GPT2: variants seen among roughly 807,000 people sequenced by gnomAD.
GPT2 encodes the protein glutamic--pyruvic transaminase 2.
In GPT2, 30 loss-of-function variants were observed where a neutral mutation model predicts 56.9. That is an observed-to-expected ratio of 0.53 (90% CI 0.39 to 0.72). The LOEUF is 0.72. Ranked by LOEUF, GPT2 falls within the 30% of genes least tolerant of loss-of-function variation. GPT2 has a pLI of 0.00. For missense variants in GPT2, 542 were observed against 703.4 expected (o/e 0.77, Z 2.60); for synonymous variants, 271 against 283.1 (o/e 0.96, Z 0.43).
rs573559634 is a variant in GPT2 at position 46,884,784 on chromosome 16, C to G, written c.69C>G (p.Ser23Arg). 5.3e-6 allele frequency: 8 copies of G among 1,519,772 alleles called. No homozygotes were observed. The highest frequency in any genetic ancestry group is 7.1e-6 in the Non-Finnish European group (8 of 1,134,720). The allele number at this position is 1,519,772 out of a possible 1,614,324, so 94.1% of individuals were successfully genotyped here. A position where few individuals can be genotyped will look rare whatever the true frequency, so the allele number is the denominator to read the frequency against. The change falls in exon 2 of 12, where the codon AGC becomes AGG. Residue 23 changes from serine to arginine, a missense_variant. Ser to Arg is a moderately radical substitution (Grantham distance 110). Transcript: ENST00000340124. ...GGACCCCCAGCTCCTGGGGCCGCAG[C>G]CAGAGCAGCGCGGCCGCCGAGGCCT... ...GPRTPSSWGR[S>R]QSSAAAEASA...
intron 11 of GPT2, among the ~76,000 whole-genome samples, chr16:46,928,570 C>T (rs191451425): frequency 5.4e-4 from 82 of 150,926 alleles, no homozygotes; most frequent in Admixed American, 5.2e-3. Flanking sequence ...TTGCAGTGAT[C>T]GCGCAATTGC....
chr16:46,929,010 C>A lies in GPT2; in HGVS notation c.*13C>A, dbSNP rs753482346. Reference sequence around the variant, plus strand: ...GAAGTACGCGTGAGGACGCCTGAGCCCCAGCGGGAGACCTGTCCTTGGCTC... The same window carrying A: ...GAAGTACGCGTGAGGACGCCTGAGCACCAGCGGGAGACCTGTCCTTGGCTC... On this transcript the variant is annotated 3_prime_UTR_variant, in exon 12 of 12. Coordinates refer to ENST00000340124, the MANE Select transcript of GPT2 (RefSeq NM_133443.4). 5 of 1,607,162 alleles carry A rather than the reference C, an allele frequency of 3.1e-6. No homozygotes were observed. Among genetic ancestry groups the A allele is most frequent in the East Asian group, 4.5e-5 (2 of 44,830 alleles).
At chr16:46,885,191 ATTG>A (rs1960460327) in intron 2 of GPT2, 1 of 1,265,488 alleles carries the variant, frequency 7.9e-7, no homozygotes, top group East Asian at 3.2e-5. Flanking sequence ...GAATTCGTCA[ATTG>A]TTGAGCGGGC....
rs1351248830 is a variant in GPT2, at chr16:46,907,538, G to T, written c.576+563G>T. ...CACACAGGAGTGAACTGGGAGAGGG[G>T]GTGTGCTCTGAGCTGAAGGTCACTG... On this transcript the variant is annotated intron_variant, in intron 5 of 11. Coordinates refer to ENST00000340124, the MANE Select transcript of GPT2 (RefSeq NM_133443.4). Among the ~76,000 whole-genome samples, 5 of 152,196 alleles carry T rather than the reference G, an allele frequency of 3.3e-5. 1 individual carries two copies. Among genetic ancestry groups the T allele is most frequent in the African/African-American group, 1.2e-4 (5 of 41,450 alleles).
Position 46,929,051 on chromosome 16 carries a change from G to A in GPT2, c.*54G>A, listed in dbSNP as rs374065024. The A allele has an allele frequency of 3.5e-5, 50 of 1,430,046 alleles. No homozygotes were observed. Among genetic ancestry groups the A allele is most frequent in the Middle Eastern group, 1.8e-4 (1 of 5,454 alleles). 88.6% of individuals were successfully genotyped at this position (1,430,046 alleles called of 1,614,324 possible). On this transcript the variant is annotated 3_prime_UTR_variant, in exon 12 of 12. Transcript: ENST00000340124. ...TCCTTGGCTCTTCCTCCCAATGCCC[G>A]TCAGGCTGAACTCGCCTCCCCCGTG... is the stretch of plus-strand genomic sequence containing the variant.
At chr16:46,911,640 T>C (rs890465885) in intron 6 of GPT2, among the ~76,000 whole-genome samples, 1 of 152,212 alleles carries the variant, frequency 6.6e-6, no homozygotes, top group Non-Finnish European at 1.5e-5. Flanking sequence ...CTGCCGAGGC[T>C]GAGACCCACT....
In GPT2 at chr16:46,909,887, T is replaced by C. The variant is rs2143475687; in HGVS notation, c.780T>C (p.Asp260=). 1 of 1,613,918 alleles carries C rather than the reference T, an allele frequency of 6.2e-7. No homozygotes were observed. The highest frequency in any genetic ancestry group is 8.5e-7 in the Non-Finnish European group (1 of 1,179,884). Residue 260 remains aspartate (D), a synonymous_variant, in exon 6 of 12, where the codon GAT becomes GAC. Transcript: ENST00000340124. ...TGCAGGAGGCCAAAGACCACTGTGATCCTAAGGTGCTCTGCATAATCAACC... is the reference window on the plus strand; with the variant it reads ...TGCAGGAGGCCAAAGACCACTGTGACCCTAAGGTGCTCTGCATAATCAACC... ...RAVQEAKDHC[D]PKVLCIINPG...
chr16:46,923,042 C>T (rs1397176033), intron 9 of GPT2, among the ~76,000 whole-genome samples: 2 of 152,216 alleles, frequency 1.3e-5, no homozygotes, highest in Non-Finnish European at 2.9e-5. Context: ...CAGAGCCGTT[C>T]CATGATCCCA....
rs2030356346 is a variant in GPT2 at position 46,930,204 on chromosome 16, A to G, written c.*1207A>G. On this transcript the variant is annotated 3_prime_UTR_variant, in exon 12 of 12. Coordinates refer to ENST00000340124, the MANE Select transcript of GPT2 (RefSeq NM_133443.4). Reference sequence around the variant, plus strand: ...GCTTCTCCCAGTACAGGAGGGTGCCATCCCCCAGCATGCGGCTTCTCTGCC... The same window carrying G: ...GCTTCTCCCAGTACAGGAGGGTGCCGTCCCCCAGCATGCGGCTTCTCTGCC... 2 of 152,516 alleles carry G rather than the reference A, an allele frequency of 1.3e-5. No homozygotes were observed. The highest frequency in any genetic ancestry group is 4.1e-4 in the South Asian group (2 of 4,836). 9.4% of individuals were successfully genotyped at this position (152,516 alleles called of 1,614,324 possible).
chr16:46,904,644 G>A (rs1192497200), intron 4 of GPT2, among the ~76,000 whole-genome samples: 1 of 152,134 alleles, frequency 6.6e-6, no homozygotes, highest in African/African-American at 2.4e-5. Flanking sequence ...GAAGCAGAGG[G>A]CTTGCTAATG....
chr16:46,929,065 G>A lies in GPT2; in HGVS notation c.*68G>A, dbSNP rs559766376. Reference sequence around the variant, plus strand: ...TCCCAATGCCCGTCAGGCTGAACTCGCCTCCCCCGTGACTCTGCCTCGGGC... The same window carrying A: ...TCCCAATGCCCGTCAGGCTGAACTCACCTCCCCCGTGACTCTGCCTCGGGC... On this transcript the variant is annotated 3_prime_UTR_variant, in exon 12 of 12. Coordinates refer to ENST00000340124, the MANE Select transcript of GPT2 (RefSeq NM_133443.4). 803 of 1,275,384 alleles carry A rather than the reference G, an allele frequency of 6.3e-4. 8 individuals carry two copies. The South Asian group carries it at 6.5e-3, about 10-fold the overall frequency. The allele number at this position is 1,275,384 out of a possible 1,614,324, so 79.0% of individuals were successfully genotyped here. A position where few individuals can be genotyped will look rare whatever the true frequency, so the allele number is the denominator to read the frequency against.
At chr16:46,917,905 C>T (rs1480894850) in intron 7 of GPT2, among the ~76,000 whole-genome samples, 2 of 152,182 alleles carry the variant, frequency 1.3e-5, no homozygotes, top group Admixed American at 6.5e-5. Context: ...GTATACAGAA[C>T]TTCCTTCTGG....
chr16:46,908,966 C>A (rs1023829426), intron 5 of GPT2, among the ~76,000 whole-genome samples: 2 of 152,212 alleles, frequency 1.3e-5, no homozygotes, highest in African/African-American at 2.4e-5. Context: ...GCACATCCAC[C>A]AATACCCCAA....
At chr16:46,924,636 C>A in intron 10 of GPT2, 92 bp downstream of exon 10, 2 of 1,390,364 alleles carry the variant, frequency 1.4e-6, no homozygotes, top group Non-Finnish European at 2.0e-6. Flanking sequence ...AGCAGAAGTG[C>A]TGGCCCTGGA....
chr16:46,891,434 G>T (rs1356679567), intron 2 of GPT2, among the ~76,000 whole-genome samples: 1 of 151,158 alleles, frequency 6.6e-6, no homozygotes, highest in Non-Finnish European at 1.5e-5. Flanking sequence ...ATGGAGTTTC[G>T]CTCTTGTTGC....
In GPT2 at chr16:46,884,815, G is replaced by A. The variant is rs542471724; in HGVS notation, c.100G>A (p.Val34Met). 13 of 1,533,400 alleles carry A rather than the reference G, an allele frequency of 8.5e-6. No homozygotes were observed. The South Asian group carries it at 1.3e-4, about 16-fold the overall frequency. 95.0% of individuals were successfully genotyped at this position (1,533,400 alleles called of 1,614,324 possible). ...QSSAAAEASA[V>M]LKVRPERSRR... ...CAGCGCGGCCGCCGAGGCCTCGGCG[G>A]TGCTCAAGGTGCGGCCCGAGCGCAG... The change falls in exon 2 of 12, where the codon GTG becomes ATG. Residue 34 changes from valine to methionine, a missense_variant. Coordinates refer to ENST00000340124, the MANE Select transcript of GPT2 (RefSeq NM_133443.4).
At chr16:46,907,663 G>T (rs1960960962) in intron 5 of GPT2, among the ~76,000 whole-genome samples, 1 of 152,242 alleles carries the variant, frequency 6.6e-6, no homozygotes, top group Non-Finnish European at 1.5e-5. Context: ...GCGTGGGCTG[G>T]CAAGGCAGCT....
rs767927917 is a variant in GPT2, at chr16:46,922,362, C to T, written c.1158C>T (p.Asp386=). The T allele has an allele frequency of 6.2e-7, 1 of 1,614,042 alleles. No individual in the cohort carries two copies. The highest frequency in any genetic ancestry group is 1.1e-5 in the South Asian group (1 of 91,068). The change falls in exon 9 of 12, where the codon GAC becomes GAT. Residue 386 remains aspartate (D), a synonymous_variant. Coordinates refer to ENST00000340124, the MANE Select transcript of GPT2 (RefSeq NM_133443.4). ...CPPVSGQAAM[D]IVVNPPVAGE... Reference sequence around the variant, plus strand: ...CAGTGTCTGGGCAGGCCGCCATGGACATTGTCGTGAACCCCCCGGTGGCAG... The same window carrying T: ...CAGTGTCTGGGCAGGCCGCCATGGATATTGTCGTGAACCCCCCGGTGGCAG...
intron 3 of GPT2, among the ~76,000 whole-genome samples, chr16:46,897,964 G>A (rs1960716694): frequency 6.6e-6 from 1 of 152,198 alleles, no homozygotes; most frequent in Admixed American, 6.5e-5. Context: ...CTTCCACAAG[G>A]CGGGGTCCTG....
Sources: allele counts gnomAD v4.1 joint callset (sites outside exome capture counted in the v4.1 genomes callset), GRCh38; gene constraint gnomAD v4.1.1; transcripts MANE v1.5; gene names NCBI Gene and HGNC (gene_info 2026-07-23, HGNC 2026-07-21).